The following ZCCHC2 variants were observed in gnomAD, a reference collection of about 807,000 sequenced individuals.
The protein encoded by ZCCHC2 is zinc finger CCHC-type containing 2, also known as zinc finger CCHC domain-containing protein 2.
A neutral mutation model predicts 103.6 loss-of-function variants in ZCCHC2; 39 were observed. The observed-to-expected ratio is 0.38, with a 90% CI of 0.29 to 0.49. ZCCHC2 has a LOEUF of 0.49. ZCCHC2 is among the 20% of genes least tolerant of loss of function. The pLI is 0.96. For synonymous variants in ZCCHC2, 687 were observed against 608.9 expected (o/e 1.13, Z -1.89); for missense variants, 1,483 against 1,491.0 (o/e 0.99, Z 0.09).
chr18:62,528,612 A>C (rs968155461), intron 1 of ZCCHC2, among the ~76,000 whole-genome samples: 1 of 151,378 alleles, frequency 6.6e-6, no homozygotes, highest in Non-Finnish European at 1.5e-5. Flanking sequence ...AAAAAAAAAA[A>C]ACCTTGTTAC....
intron 8 of ZCCHC2, among the ~76,000 whole-genome samples, chr18:62,561,624 C>G (rs533234424): frequency 1.3e-5 from 2 of 152,344 alleles, no homozygotes; most frequent in East Asian, 3.9e-4. Context: ...ATTTCATCCT[C>G]TCCACTCCCT....
At chr18:62,556,174 T>A in intron 5 of ZCCHC2, 29 bp from the exon 6 acceptor site, 1 of 1,546,328 alleles carries the variant, frequency 6.5e-7, no homozygotes, top group Non-Finnish European at 8.8e-7. Flanking sequence ...TACCTGAAAT[T>A]AACAAATCTC....
rs1568560215 is a variant in ZCCHC2, at chr18:62,575,462, G to A, written c.3381G>A (p.Lys1127=). 6.2e-7 allele frequency: 1 copy of A among 1,614,024 alleles called. No homozygotes were observed. Among genetic ancestry groups the A allele is most frequent in the Non-Finnish European group, 8.5e-7 (1 of 1,179,900 alleles). The change falls in exon 13 of 14, where the codon AAG becomes AAA. Residue 1127 remains lysine (K), a synonymous_variant. Transcript: ENST00000269499. The part of the protein sequence containing the change: ...VANTSGSGPK[K]NGNVSCYNCG... ...ACACCAGTGGTTCGGGGCCCAAGAA[G>A]AATGGGAATGTCTCATGTTACAATT...
chr18:62,535,560 G>A (rs1272114169), intron 1 of ZCCHC2, among the ~76,000 whole-genome samples: 1 of 152,196 alleles, frequency 6.6e-6, no homozygotes, highest in Non-Finnish European at 1.5e-5. Flanking sequence ...GGCCCAGATG[G>A]CATCCCTAGA....
At position 62,574,584 on chromosome 18, in the gene ZCCHC2, C is replaced by T. The variant is rs755987219; in HGVS notation, c.2503C>T (p.Pro835Ser). Residue 835 changes from proline (P) to serine (S), a missense_variant, in exon 13 of 14, where the codon CCA becomes TCA. Pro to Ser is a moderately conservative substitution (Grantham distance 74). This residue lies in a region of ZCCHC2 where 884 missense variants were observed against 907.5 expected (regional missense o/e 0.97). Transcript: ENST00000269499. ...ESCTVNIPQQ[P>S]PGSLSIASPN... ...CTGCACAGTTAACATCCCACAACAACCACCCGGAAGCCTGAGCATCGCATC... is the reference window on the plus strand; with the variant it reads ...CTGCACAGTTAACATCCCACAACAATCACCCGGAAGCCTGAGCATCGCATC... The T allele has an allele frequency of 1.5e-4, 235 of 1,613,898 alleles. No individual in the cohort carries two copies. Among genetic ancestry groups the T allele is most frequent in the Non-Finnish European group, 1.9e-4 (220 of 1,179,890 alleles).
intron 3 of ZCCHC2, 30 bp from the exon 4 acceptor site, chr18:62,544,772 C>G (rs375113390): frequency 9.7e-4 from 1,469 of 1,517,304 alleles, no homozygotes; most frequent in Non-Finnish European, 1.2e-3. Context: ...AGGGAATAAC[C>G]ATATAATATG....
At chr18:62,558,127 T>C (rs1203979709) in intron 6 of ZCCHC2, among the ~76,000 whole-genome samples, 1 of 152,104 alleles carries the variant, frequency 6.6e-6, no homozygotes, top group Admixed American at 6.5e-5. Context: ...AAGTCCTGAA[T>C]GAGTTAAGAT....
chr18:62,526,648 C>T (rs1020017054), intron 1 of ZCCHC2, among the ~76,000 whole-genome samples: 2 of 152,094 alleles, frequency 1.3e-5, no homozygotes, highest in African/African-American at 4.8e-5. Flanking sequence ...GGAGGGCGGG[C>T]GCACCTCCCC....
At chr18:62,560,549 G>T in intron 7 of ZCCHC2, 38 bp from the exon 8 acceptor site, 1 of 1,582,500 alleles carries the variant, frequency 6.3e-7, no homozygotes, top group Non-Finnish European at 8.7e-7. Flanking sequence ...TTTTGCTGCA[G>T]CATTTAGTGT....
At chr18:62,545,061 A>G (rs1383559602) in intron 4 of ZCCHC2, among the ~76,000 whole-genome samples, 188 bp downstream of exon 4, 2 of 152,212 alleles carry the variant, frequency 1.3e-5, no homozygotes, top group Admixed American at 6.5e-5. Flanking sequence ...CATTACCAAC[A>G]TAAGGAAATG....
intron 1 of ZCCHC2, among the ~76,000 whole-genome samples, chr18:62,526,582 C>T (rs566691043): frequency 1.3e-5 from 2 of 152,296 alleles, no homozygotes; most frequent in East Asian, 3.9e-4. Flanking sequence ...AGCCCTCATT[C>T]GCTGCAGTCC....
chr18:62,564,564 C>G lies in ZCCHC2; in HGVS notation c.1687-7C>G, dbSNP rs1396623318. Reference sequence around the variant, plus strand: ...TGTCTGATTTGTCTTTTTATTCTTTCTACTAGCATTCTGCTGAAAAACGGA... The same window carrying G: ...TGTCTGATTTGTCTTTTTATTCTTTGTACTAGCATTCTGCTGAAAAACGGA... On this transcript the variant is annotated splice_polypyrimidine_tract_variant and splice_region_variant and intron_variant, in intron 9 of 13. Transcript: ENST00000269499. The G allele has an allele frequency of 1.3e-6, 2 of 1,529,264 alleles. No homozygotes were observed. The highest frequency in any genetic ancestry group is 1.4e-5 in the African/African-American group (1 of 72,260). The allele number at this position is 1,529,264 out of a possible 1,614,324, so 94.7% of individuals were successfully genotyped here.
chr18:62,584,220 G>A (rs772556051), intron 14 of ZCCHC2, among the ~76,000 whole-genome samples: 10 of 152,122 alleles, frequency 6.6e-5, no homozygotes, highest in Non-Finnish European at 1.3e-4. Flanking sequence ...TGGAATTGGG[G>A]GTGGTTTGGG....
intron 9 of ZCCHC2, 86 bp downstream of exon 9, chr18:62,563,230 A>G: frequency 6.8e-7 from 1 of 1,475,400 alleles, no homozygotes; most frequent in Non-Finnish European, 9.2e-7. Flanking sequence ...GCTTTCAGTC[A>G]GACAGTATAT....
At chr18:62,561,206 A>G (rs1916101595) in intron 8 of ZCCHC2, among the ~76,000 whole-genome samples, 1 of 152,180 alleles carries the variant, frequency 6.6e-6, no homozygotes, top group Non-Finnish European at 1.5e-5. Flanking sequence ...TGATGAATGC[A>G]CTCAAATTTT....
At chr18:62,582,106 CTG>C (rs573324564), downstream of ZCCHC2, among the ~76,000 whole-genome samples, 2 of 152,094 alleles carry the variant, frequency 1.3e-5, no homozygotes, top group Non-Finnish European at 2.9e-5. Context: ...TGGGATCAGA[CTG>C]GAGAATTTGG....
chr18:62,532,555 C>T (rs1206986894), intron 1 of ZCCHC2, among the ~76,000 whole-genome samples: 3 of 152,200 alleles, frequency 2.0e-5, no homozygotes, highest in African/African-American at 4.8e-5. Flanking sequence ...TCTCCTCCTC[C>T]ACTCTTTTTT....
intron 1 of ZCCHC2, chr18:62,525,360 AAG>A (rs1914335400): frequency 6.6e-6 from 1 of 152,226 alleles, no homozygotes; most frequent in African/African-American, 2.4e-5. Flanking sequence ...AGGTTTCAGT[AAG>A]AGTGAGAACT....
rs150018974 is a variant in ZCCHC2 at position 62,539,741 on chromosome 18, C to A, written c.1000C>A (p.Pro334Thr). 1,514 of 1,608,158 alleles carry A rather than the reference C, an allele frequency of 9.4e-4. 17 individuals carry two copies. The African/African-American group carries it at 0.018, about 19-fold the overall frequency. ...NNESSLIEQA[P>T]IPQDGLTVAP... ...CGAGAGCAGCTTAATAGAGCAAGCT[C>A]CAATACCTCAGGACGGACTTACCGT... The change falls in exon 2 of 14, where the codon CCA becomes ACA. Residue 334 changes from proline to threonine, a missense_variant. Pro to Thr is a conservative substitution (Grantham distance 38, BLOSUM62 -1). Coordinates refer to ENST00000269499, the MANE Select transcript of ZCCHC2 (RefSeq NM_017742.6).
Sources: gnomAD v4.1 joint callset for allele counts (sites outside exome capture counted in the v4.1 genomes callset) on GRCh38, gnomAD v4.1.1 for gene constraint, gnomAD v4.1.1 regional missense constraint, MANE v1.5 for transcripts, NCBI Gene and HGNC (gene_info 2026-07-23, HGNC 2026-07-21) for gene names.